The following DNMBP variants were observed in gnomAD, a reference collection of about 807,000 sequenced individuals.
DNMBP encodes dynamin-binding protein.
DNMBP carries 87 observed loss-of-function variants against 150.0 expected under a neutral mutation model. The observed-to-expected ratio is 0.58, with a 90% CI of 0.49 to 0.69. The LOEUF (loss-of-function observed/expected upper bound fraction) is 0.69. DNMBP is among the 30% of genes least tolerant of loss of function. The probability of loss-of-function intolerance (pLI) is 0.00; values close to 1 mark genes in which losing one functional copy is unlikely to be tolerated. For missense variants in DNMBP, 1,774 were observed against 1,949.0 expected (o/e 0.91, Z 1.69); for synonymous variants, 711 against 750.4 (o/e 0.95, Z 0.86).
intron 4 of DNMBP, chr10:99,929,543 C>T (rs2040121750): frequency 1.7e-5 from 10 of 605,008 alleles, no homozygotes; most frequent in Non-Finnish European, 2.9e-5. Context: ...CTCCTAGTAC[C>T]TGGTATAACT....
In DNMBP at chr10:99,891,298, C is replaced by T. The variant is rs577632260; in HGVS notation, c.3157-2345G>A. On this transcript the variant is annotated intron_variant, in intron 11 of 16. Coordinates refer to ENST00000324109, the MANE Select transcript of DNMBP (RefSeq NM_015221.4). ...CAACCTCCCTGCCTGATTCTCCTGC[C>T]TCAGCCTGCCCAGTGCCTGCGATTG... Among the ~76,000 whole-genome samples, 102 of 150,294 alleles carry T rather than the reference C, an allele frequency of 6.8e-4. 2 individuals carry two copies. Among genetic ancestry groups the T allele is most frequent in the Non-Finnish European group, 1.3e-3 (91 of 67,614 alleles).
chr10:99,891,947 C>T (rs1174430716), intron 11 of DNMBP, among the ~76,000 whole-genome samples: 2 of 149,600 alleles, frequency 1.3e-5, no homozygotes, highest in African/African-American at 4.9e-5. Context: ...CGGCCAGCCG[C>T]CCCGTCCGGG....
In DNMBP at chr10:99,955,442, G is replaced by A; in HGVS notation, c.2032C>T (p.Pro678Ser). Residue 678 changes from proline (P) to serine (S), a missense_variant, in exon 4 of 17, where the codon CCT becomes TCT. Physicochemically the swap from Pro to Ser is moderately conservative, Grantham distance 74. Coordinates refer to ENST00000324109, the MANE Select transcript of DNMBP (RefSeq NM_015221.4). The part of the protein sequence containing the change: ...PTCETLEKEG[P>S]GHMGRSLDQT... Reference sequence around the variant, plus strand: ...TCCAGACTCCTTCCCATATGACCAGGGCCCTCCTTTTCTAAGGTCTCACAG... The same window carrying A: ...TCCAGACTCCTTCCCATATGACCAGAGCCCTCCTTTTCTAAGGTCTCACAG... 2 of 1,611,346 alleles carry A rather than the reference G, an allele frequency of 1.2e-6. No individual in the cohort carries two copies. The highest frequency in any genetic ancestry group is 2.2e-5 in the East Asian group (1 of 44,822).
chr10:99,961,850 C>T (rs2040568805), intron 3 of DNMBP, among the ~76,000 whole-genome samples: 1 of 148,700 alleles, frequency 6.7e-6, no homozygotes, highest in Non-Finnish European at 1.5e-5. Flanking sequence ...GTTTACTGAG[C>T]TACCAAAAGA....
rs1451627215 is a variant in DNMBP at position 99,930,317 on chromosome 10, A to G, written c.2261-21171T>C. The G allele has an allele frequency of 1.8e-5, 13 of 703,024 alleles. No individual in the cohort carries two copies. The East Asian group carries it at 3.0e-4, about 16-fold the overall frequency. 43.5% of individuals were successfully genotyped at this position (703,024 alleles called of 1,614,324 possible). A position where few individuals can be genotyped will look rare whatever the true frequency, so the allele number is the denominator to read the frequency against. On this transcript the variant is annotated intron_variant, in intron 4 of 16. Transcript: ENST00000324109. ...ACTGTTCAGCTTTTTTAGAGTCCTCAGGATTATAATTCAGATTCTTACAGT... is the reference window on the plus strand; with the variant it reads ...ACTGTTCAGCTTTTTTAGAGTCCTCGGGATTATAATTCAGATTCTTACAGT...
At position 99,892,200 on chromosome 10, in the gene DNMBP, G is replaced by T. The variant is rs528326912; in HGVS notation, c.3156+2746C>A. Among the ~76,000 whole-genome samples the T allele has an allele frequency of 2.7e-5, 4 of 147,650 alleles. No individual in the cohort carries two copies. The East Asian group carries it at 8.1e-4, about 30-fold the overall frequency. ...GGGTCAGCCCCCTGCCCGGCCAGCC[G>T]CCCCGTCCGGGAGGTGAGGGGCGCC... On this transcript the variant is annotated intron_variant, in intron 11 of 16. Transcript: ENST00000324109.
chr10:99,890,675 G>C (rs2039542601), intron 11 of DNMBP, among the ~76,000 whole-genome samples: 1 of 152,256 alleles, frequency 6.6e-6, no homozygotes, highest in Non-Finnish European at 1.5e-5. Context: ...TTGAGATGGA[G>C]TCTCACTCTC....
At chr10:100,000,295 T>C (rs1041533846) in intron 1 of DNMBP, among the ~76,000 whole-genome samples, 4 of 152,056 alleles carry the variant, frequency 2.6e-5, no homozygotes, top group African/African-American at 9.7e-5. Context: ...ACTCGGCACA[T>C]CCATTGCAAC....
chr10:99,878,671 G>A (rs1228150418), intron 16 of DNMBP, among the ~76,000 whole-genome samples: 1 of 152,154 alleles, frequency 6.6e-6, no homozygotes, highest in Admixed American at 6.5e-5. Flanking sequence ...GGACACGACT[G>A]GGCCTTCCCA....
intron 1 of DNMBP, among the ~76,000 whole-genome samples, chr10:100,001,701 C>A: frequency 6.7e-6 from 1 of 148,970 alleles, no homozygotes; most frequent in East Asian, 1.9e-4. Flanking sequence ...GTGTGAGCCA[C>A]CGTACGTGGC....
At position 99,877,086 on chromosome 10, in the gene DNMBP, GGCCGCCAGAACCC is replaced by G. The variant is rs2039285647; in HGVS notation, c.*52_*64del. Reference sequence around the variant, plus strand: ...CTCAGGAGCAGGCGCCCTCTCGGTGGGCCGCCAGAACCCTCGGCGGACTGAAAGCAAAGGCAGC... The same window carrying G: ...CTCAGGAGCAGGCGCCCTCTCGGTGGTCGGCGGACTGAAAGCAAAGGCAGC... On this transcript the variant is annotated 3_prime_UTR_variant, in exon 17 of 17. Transcript: ENST00000324109. The G allele has an allele frequency of 1.1e-5, 16 of 1,475,804 alleles. No individual in the cohort carries two copies. Among genetic ancestry groups the G allele is most frequent in the Admixed American group, 4.4e-5 (2 of 45,646 alleles). 91.4% of individuals were successfully genotyped at this position (1,475,804 alleles called of 1,614,324 possible).
At chr10:99,920,801 T>G (rs1248690468) in intron 4 of DNMBP, among the ~76,000 whole-genome samples, 1 of 152,118 alleles carries the variant, frequency 6.6e-6, no homozygotes, top group Non-Finnish European at 1.5e-5. Context: ...CAAGCAATCC[T>G]CCCAAGTAGC....
chr10:99,979,147 C>G (rs2040758690), intron 1 of DNMBP, among the ~76,000 whole-genome samples: 1 of 152,186 alleles, frequency 6.6e-6, no homozygotes, highest in South Asian at 2.1e-4. Context: ...AACTAAAAAT[C>G]TGGCTTGACT....
intron 1 of DNMBP, among the ~76,000 whole-genome samples, chr10:99,997,466 C>T (rs1275277660): frequency 1.3e-5 from 2 of 152,162 alleles, no homozygotes; most frequent in East Asian, 3.8e-4. Context: ...TGAATCCCTT[C>T]TATTTATGGA....
In DNMBP at chr10:99,972,137, G is replaced by C; in HGVS notation, c.-10-3C>G. The C allele has an allele frequency of 6.2e-7, 1 of 1,604,388 alleles. No individual in the cohort carries two copies. Among genetic ancestry groups the C allele is most frequent in the Non-Finnish European group, 8.5e-7 (1 of 1,177,284 alleles). On this transcript the variant is annotated splice_polypyrimidine_tract_variant and splice_region_variant and intron_variant, in intron 1 of 16. Transcript: ENST00000324109. ...AGCCAGCCTCCATGTTTTATAACCT[G>C]GAAAGATAGATCAAGAGAAATAGAA...
In DNMBP at chr10:99,921,782, T is replaced by C. The variant is rs576952747; in HGVS notation, c.2261-12636A>G. Among the ~76,000 whole-genome samples the C allele has an allele frequency of 2.0e-5, 3 of 148,422 alleles. No individual in the cohort carries two copies. The East Asian group carries it at 5.9e-4, about 29-fold the overall frequency. On this transcript the variant is annotated intron_variant, in intron 4 of 16. Transcript: ENST00000324109. ...CAGGTGGCTGAAGCATGAGAATCGC[T>C]TGAACCTGGGAGGTGGGGGCTGCAG...
intron 11 of DNMBP, among the ~76,000 whole-genome samples, chr10:99,893,694 T>C (rs1245535222): frequency 6.6e-6 from 1 of 152,210 alleles, no homozygotes; most frequent in Non-Finnish European, 1.5e-5. Flanking sequence ...GCCACTGCAC[T>C]CTAGCCTGGC....
At chr10:99,948,068 C>G (rs370920932) in intron 4 of DNMBP, among the ~76,000 whole-genome samples, 108 of 152,270 alleles carry the variant, frequency 7.1e-4, no homozygotes, top group African/African-American at 2.6e-3. Flanking sequence ...CTGTACCTTC[C>G]TTTCAATGTT....
At chr10:99,898,385 CATA>C (rs761474303) in intron 8 of DNMBP, 100 bp from the exon 9 acceptor site, 14 of 903,004 alleles carry the variant, frequency 1.6e-5, no homozygotes, top group East Asian at 7.8e-5. Context: ...TTTTTTTTAA[CATA>C]ATAATAATGT....
Sources: gnomAD v4.1 joint callset for allele counts (sites outside exome capture counted in the v4.1 genomes callset) on GRCh38, gnomAD v4.1.1 for gene constraint, MANE v1.5 for transcripts, NCBI Gene and HGNC (gene_info 2026-07-23, HGNC 2026-07-21) for gene names.